RNF213: variants seen among roughly 807,000 people sequenced by gnomAD.
RNF213 encodes the protein ring finger protein 213.
A neutral mutation model predicts 514.4 loss-of-function variants in RNF213; 341 were observed. The ratio of observed to expected loss-of-function variants is 0.66; its 90% CI spans 0.61 to 0.73. The LOEUF (loss-of-function observed/expected upper bound fraction) is 0.73. RNF213 is among the 30% of genes least tolerant of loss of function. RNF213 has a pLI of 0.00. For synonymous variants in RNF213, 2,655 were observed against 2,658.2 expected (o/e 1.00, Z 0.04); for missense variants, 5,767 against 6,615.6 (o/e 0.87, Z 4.45).
Position 80,309,010 on chromosome 17 carries a change from C to T in RNF213, c.2502-8C>T, listed in dbSNP as rs755405100. 4.8e-5 allele frequency: 77 copies of T among 1,613,628 alleles called. No homozygotes were observed. The highest frequency in any genetic ancestry group is 6.1e-5 in the Non-Finnish European group (72 of 1,179,936). On this transcript the variant is annotated splice_region_variant and splice_polypyrimidine_tract_variant and intron_variant, in intron 13 of 67. Coordinates refer to ENST00000582970, the MANE Select transcript of RNF213 (RefSeq NM_001256071.3). ...TGCCGGGATTTCTCTTAACTCTTTG[C>T]GGGGCAGGATTCCCGAGGAGGCCTT...
chr17:80,387,129 GTCT>G (rs1452024211), intron 63 of RNF213, among the ~76,000 whole-genome samples: 1 of 152,200 alleles, frequency 6.6e-6, no homozygotes, highest in African/African-American at 2.4e-5. Flanking sequence ...AACTGTTGAG[GTCT>G]TTTTTTGAAA....
At chr17:80,282,584 G>A (rs184522458) in intron 3 of RNF213, among the ~76,000 whole-genome samples, 2 of 152,152 alleles carry the variant, frequency 1.3e-5, no homozygotes. Context: ...TATTTTTGTA[G>A]AGATGGGGTT....
intron 42 of RNF213, chr17:80,365,209 C>T (rs12150357): frequency 0.56 from 86,754 of 154,206 alleles, 26,324 homozygotes; most frequent in Non-Finnish European, 0.69. Flanking sequence ...GAGCCCTCAC[C>T]GCCAGGGGGT....
At chr17:80,278,355 G>T (rs1000579760) in intron 3 of RNF213, among the ~76,000 whole-genome samples, 1 of 152,322 alleles carries the variant, frequency 6.6e-6, no homozygotes, top group South Asian at 2.1e-4. Flanking sequence ...TGGGGTGCCC[G>T]GGCCTGCCTA....
Position 80,344,907 on chromosome 17 carries a change from A to G in RNF213, c.6572A>G (p.Glu2191Gly). ...DTFQYQEGSV[E>G]GTPEECLQHF... ...TTTCAGTATCAAGAAGGCTCTGTCG[A>G]AGGCACCCCGGAGGAATGCCTCCAG... The change falls in exon 29 of 68, where the codon GAA (glutamate) becomes GGA (glycine). Residue 2191 changes from glutamate to glycine, a missense_variant. Coordinates refer to ENST00000582970, the MANE Select transcript of RNF213 (RefSeq NM_001256071.3). 2 of 1,614,150 alleles carry G rather than the reference A, an allele frequency of 1.2e-6. No individual in the cohort carries two copies. Among genetic ancestry groups the G allele is most frequent in the African/African-American group, 1.3e-5 (1 of 75,038 alleles).
At chr17:80,292,403 C>T (rs534794013) in intron 8 of RNF213, among the ~76,000 whole-genome samples, 14 of 152,222 alleles carry the variant, frequency 9.2e-5, no homozygotes, top group African/African-American at 1.9e-4. Context: ...GGAGAGAAAA[C>T]GAAGCCAGAA....
intron 18 of RNF213, among the ~76,000 whole-genome samples, chr17:80,325,849 G>C (rs892668039): frequency 6.6e-6 from 1 of 152,282 alleles, no homozygotes; most frequent in Middle Eastern, 3.4e-3. Flanking sequence ...CTACACATCA[G>C]GGAAGCTGTG....
At chr17:80,316,906 G>GTA (rs2045965623) in intron 15 of RNF213, among the ~76,000 whole-genome samples, 1 of 152,258 alleles carries the variant, frequency 6.6e-6, no homozygotes, top group South Asian at 2.1e-4. Flanking sequence ...AATTTTCAAA[G>GTA]TATAACATGA....
chr17:80,312,336 A>C (rs944032006), intron 14 of RNF213, among the ~76,000 whole-genome samples: 10 of 152,062 alleles, frequency 6.6e-5, no homozygotes, highest in African/African-American at 2.4e-4. Context: ...CTTTGAGCCC[A>C]GGGGAAGAGG....
intron 3 of RNF213, among the ~76,000 whole-genome samples, chr17:80,273,734 C>T (rs2043915546): frequency 6.6e-6 from 1 of 151,528 alleles, no homozygotes; most frequent in South Asian, 2.1e-4. Flanking sequence ...ATTCTCCTGC[C>T]TCAGCCTCCC....
intron 14 of RNF213, among the ~76,000 whole-genome samples, chr17:80,310,151 G>A (rs12937063): frequency 2.4e-4 from 37 of 152,166 alleles, no homozygotes; most frequent in Non-Finnish European, 3.8e-4. Flanking sequence ...GTGTGGTGCA[G>A]AGATCGGCAA....
chr17:80,293,468 T>C (rs2044814762), intron 8 of RNF213, among the ~76,000 whole-genome samples: 1 of 152,164 alleles, frequency 6.6e-6, no homozygotes, highest in South Asian at 2.1e-4. Flanking sequence ...TATGGAATTC[T>C]ATATATATAA....
intron 3 of RNF213, among the ~76,000 whole-genome samples, chr17:80,284,603 T>C (rs2044407194): frequency 6.6e-6 from 1 of 152,068 alleles, no homozygotes; most frequent in South Asian, 2.1e-4. Flanking sequence ...AGCTCCACCT[T>C]TCTAATCCCA....
intron 57 of RNF213, 58 bp downstream of exon 57, chr17:80,381,785 G>C: frequency 2.0e-6 from 3 of 1,527,632 alleles, no homozygotes; most frequent in South Asian, 1.2e-5. Context: ...AGCGCAAGCA[G>C]GCTCGCTGTC....
Position 80,346,746 on chromosome 17 carries a change from T to C in RNF213, c.8411T>C (p.Leu2804Pro), listed in dbSNP as rs2078325596. The C allele has an allele frequency of 3.1e-6, 5 of 1,613,160 alleles. No homozygotes were observed. The highest frequency in any genetic ancestry group is 4.2e-6 in the Non-Finnish European group (5 of 1,179,932). Residue 2804 changes from leucine to proline, a missense_variant, in exon 29 of 68, where the codon CTG (leucine) becomes CCG (proline). Physicochemically the swap from Leu to Pro is moderately conservative, Grantham distance 98 (BLOSUM62 -3). Around this residue, in one of 13 missense-constraint regions of RNF213, gnomAD observed 105 missense variants for 183.9 expected, o/e 0.57. Transcript: ENST00000582970. This position sits in a 1 kb window ranked among gnomAD's most constrained non-coding sequence, Gnocchi z 8.1. ...TTCCGCAGCCTGAAGCAGGTCCACC[T>C]GGTGTCCTTCCAGTGCAGCCCGCAC... Reference protein sequence around the residue: ...DLFRSLKQVHLVSFQCSPHST... With the variant: ...DLFRSLKQVHPVSFQCSPHST...
intron 57 of RNF213, 125 bp from the exon 58 acceptor site, chr17:80,382,854 A>G: frequency 1.4e-6 from 1 of 695,128 alleles, no homozygotes. Flanking sequence ...ACTTAGATTA[A>G]TTTAGAAAGC....
intron 32 of RNF213, chr17:80,352,157 C>A: frequency 4.2e-6 from 1 of 239,450 alleles, no homozygotes; most frequent in Non-Finnish European, 8.3e-6. Context: ...CCAGCCCAGT[C>A]AGTGTATTTA....
chr17:80,388,066 C>T (rs542287004), intron 63 of RNF213, among the ~76,000 whole-genome samples: 1 of 151,800 alleles, frequency 6.6e-6, no homozygotes, highest in Non-Finnish European at 1.5e-5. Context: ...TTCACTCATG[C>T]CATTCTCCTG....
Position 80,317,347 on chromosome 17 carries a change from C to T in RNF213, c.2901+70C>T. On this transcript the variant is annotated intron_variant, in intron 16 of 67. Coordinates refer to ENST00000582970, the MANE Select transcript of RNF213 (RefSeq NM_001256071.3). This position sits in a 1 kb window ranked among gnomAD's most constrained non-coding sequence, Gnocchi z 4.1. ...CTGGAGAACCCCAGACCATTAGCGACAGCCAAGAGATCTCAGCAGTGCCTC... is the reference window on the plus strand; with the variant it reads ...CTGGAGAACCCCAGACCATTAGCGATAGCCAAGAGATCTCAGCAGTGCCTC... The T allele has an allele frequency of 7.2e-7, 1 of 1,388,986 alleles. No individual in the cohort carries two copies. The highest frequency in any genetic ancestry group is 1.0e-6 in the Non-Finnish European group (1 of 989,216). 86.0% of individuals were successfully genotyped at this position (1,388,986 alleles called of 1,614,324 possible). A position where few individuals can be genotyped will look rare whatever the true frequency, so the allele number is the denominator to read the frequency against.
Sources: allele counts gnomAD v4.1 joint callset (sites outside exome capture counted in the v4.1 genomes callset), GRCh38; gene constraint gnomAD v4.1.1; regional missense constraint gnomAD v4.1.1; non-coding constraint Gnocchi (gnomAD v3.1); transcripts MANE v1.5; gene names NCBI Gene and HGNC (gene_info 2026-07-23, HGNC 2026-07-21).